Variants in CRADD observed in about 807,000 individuals in gnomAD.
CRADD encodes the protein death domain-containing protein CRADD.
In CRADD, 9 loss-of-function variants were observed where a neutral mutation model predicts 15.5. The ratio of observed to expected loss-of-function variants is 0.58; its 90% CI spans 0.35 to 1.01. The LOEUF (loss-of-function observed/expected upper bound fraction) is 1.01, where lower values mean the gene tolerates loss of function less well. CRADD is among the 50% of genes least tolerant of loss of function. CRADD has a pLI of 0.02. For synonymous variants in CRADD, 118 were observed against 107.6 expected (o/e 1.10, Z -0.60); for missense variants, 227 against 250.3 (o/e 0.91, Z 0.63).
rs527694294 is a variant in CRADD, at chr12:93,859,341, A to T, written c.299-34709A>T. 21 of 455,900 alleles carry T rather than the reference A, an allele frequency of 4.6e-5. 1 individual carries two copies. The highest frequency in any genetic ancestry group is 3.3e-4 in the South Asian group (21 of 64,550). The allele number at this position is 455,900 out of a possible 1,614,324, so 28.2% of individuals were successfully genotyped here. Reference sequence around the variant, plus strand: ...TAGGGTGTTGGCCATGATCCTTATGATGGGGAGGAAGGGAATCACCAATTT... The same window carrying T: ...TAGGGTGTTGGCCATGATCCTTATGTTGGGGAGGAAGGGAATCACCAATTT... On this transcript the variant is annotated intron_variant, in intron 2 of 2. Transcript: ENST00000548483.
intron 2 of CRADD, among the ~76,000 whole-genome samples, chr12:93,710,137 C>T (rs1956034861): frequency 6.6e-6 from 1 of 152,126 alleles, no homozygotes; most frequent in Admixed American, 6.5e-5. Context: ...ATCACTAATA[C>T]AGCAGATGTT....
chr12:93,680,763 T>G (rs985506388), intron 2 of CRADD, among the ~76,000 whole-genome samples: 1 of 152,234 alleles, frequency 6.6e-6, no homozygotes, highest in Non-Finnish European at 1.5e-5. Context: ...TGGCATCATA[T>G]AGTTGGAAAC....
intron 2 of CRADD, among the ~76,000 whole-genome samples, chr12:93,773,594 G>A (rs1041987765): frequency 6.6e-6 from 1 of 151,864 alleles, no homozygotes; most frequent in African/African-American, 2.4e-5. Context: ...AAAGAGGAGG[G>A]CTTTGCTTCA....
chr12:93,841,658 G>A (rs1214259758), intron 2 of CRADD, among the ~76,000 whole-genome samples: 4 of 152,134 alleles, frequency 2.6e-5, no homozygotes, highest in Admixed American at 2.6e-4. Context: ...CTACCCCGTG[G>A]GAAGATTTAA....
At chr12:93,816,842 T>C (rs1390706571) in intron 2 of CRADD, among the ~76,000 whole-genome samples, 2 of 152,186 alleles carry the variant, frequency 1.3e-5, no homozygotes, top group African/African-American at 2.4e-5. Context: ...GTCTGTGCAC[T>C]AGAGTCATAG....
intron 2 of CRADD, among the ~76,000 whole-genome samples, chr12:93,885,846 C>T (rs1958532881): frequency 6.6e-6 from 1 of 152,082 alleles, no homozygotes; most frequent in African/African-American, 2.4e-5. Flanking sequence ...TGAGACCAGC[C>T]TGGCCAACAT....
At chr12:93,888,424 C>CAAA (rs36015332) in intron 2 of CRADD, among the ~76,000 whole-genome samples, 4 of 113,176 alleles carry the variant, frequency 3.5e-5, no homozygotes, top group Non-Finnish European at 5.3e-5. Context: ...GACTCCGTCT[C>CAAA]AAAAAAAAAA....
downstream of CRADD, chr12:93,894,784 G>A (rs1004880969): frequency 1.3e-5 from 2 of 152,656 alleles, no homozygotes; most frequent in Admixed American, 6.5e-5. Flanking sequence ...GGCCGGGGCC[G>A]AGATGGCGCT....
intron 2 of CRADD, among the ~76,000 whole-genome samples, chr12:93,839,801 C>T (rs1958026591): frequency 6.6e-6 from 1 of 152,192 alleles, no homozygotes; most frequent in Admixed American, 6.5e-5. Context: ...AAACACCTTA[C>T]CCAGCCTAGA....
At chr12:93,861,525 A>G (rs1360917799) in intron 2 of CRADD, among the ~76,000 whole-genome samples, 1 of 152,190 alleles carries the variant, frequency 6.6e-6, no homozygotes, top group Non-Finnish European at 1.5e-5. Context: ...TGTCTTGCCC[A>G]GTGACACTTC....
intron 2 of CRADD, among the ~76,000 whole-genome samples, chr12:93,847,146 A>G (rs1321045645): frequency 6.6e-6 from 1 of 152,172 alleles, no homozygotes; most frequent in African/African-American, 2.4e-5. Context: ...GTGCAGATGT[A>G]GAATGGATAA....
chr12:93,845,587 A>G (rs1409492690), intron 2 of CRADD, among the ~76,000 whole-genome samples: 1 of 146,134 alleles, frequency 6.8e-6, no homozygotes, highest in African/African-American at 2.6e-5. Flanking sequence ...TATTTTTAAT[A>G]AAGAAAAGAA....
At position 93,894,192 on chromosome 12, in the gene CRADD, G is replaced by C. The variant is rs1958596425; in HGVS notation, c.*75G>C. On this transcript the variant is annotated 3_prime_UTR_variant, in exon 3 of 3. Coordinates refer to the CRADD transcript ENST00000548483. The stretch of plus-strand genomic sequence containing the variant: ...TCTACACCAGTGGTTCTCAATCAAG[G>C]GCGATTTTGCCTTCCAGGGGACATT... 4 of 698,310 alleles carry C rather than the reference G, an allele frequency of 5.7e-6. No homozygotes were observed. In the South Asian group the frequency reaches 5.9e-5, roughly 10 times the overall value. 43.3% of individuals were successfully genotyped at this position (698,310 alleles called of 1,614,324 possible). A position where few individuals can be genotyped will look rare whatever the true frequency, so the allele number is the denominator to read the frequency against.
chr12:93,828,191 A>G (rs1378562235), intron 2 of CRADD, among the ~76,000 whole-genome samples: 2 of 152,064 alleles, frequency 1.3e-5, no homozygotes, highest in African/African-American at 2.4e-5. Context: ...AATTATTTGT[A>G]TATATATATG....
At chr12:93,881,789 G>A (rs1034507874) in intron 2 of CRADD, among the ~76,000 whole-genome samples, 4 of 152,144 alleles carry the variant, frequency 2.6e-5, no homozygotes, top group Admixed American at 1.3e-4. Context: ...ATTATCTCAC[G>A]AGGATATGAA....
intron 2 of CRADD, among the ~76,000 whole-genome samples, chr12:93,860,491 C>T (rs1958311625): frequency 6.6e-6 from 1 of 152,126 alleles, no homozygotes; most frequent in Non-Finnish European, 1.5e-5. Flanking sequence ...CCCCTTGAGC[C>T]CCTTGCTATG....
chr12:93,687,897 A>G (rs1206962713), intron 2 of CRADD, among the ~76,000 whole-genome samples: 1 of 152,238 alleles, frequency 6.6e-6, no homozygotes, highest in Non-Finnish European at 1.5e-5. Flanking sequence ...ACATGAGGCA[A>G]CAATTGGAGG....
chr12:93,887,361 T>C (rs1958544805), intron 2 of CRADD, among the ~76,000 whole-genome samples: 3 of 152,176 alleles, frequency 2.0e-5, no homozygotes, highest in Non-Finnish European at 4.4e-5. Context: ...CAGATCTCAA[T>C]GCCAGGGCCG....
chr12:93,829,295 C>T (rs1957862489), intron 2 of CRADD, among the ~76,000 whole-genome samples: 1 of 152,034 alleles, frequency 6.6e-6, no homozygotes, highest in Non-Finnish European at 1.5e-5. Flanking sequence ...GGCTCATCCA[C>T]CAAGCTTTAG....
Sources: allele counts gnomAD v4.1 joint callset (sites outside exome capture counted in the v4.1 genomes callset), GRCh38; gene constraint gnomAD v4.1.1; transcripts MANE v1.5; gene names NCBI Gene and HGNC (gene_info 2026-07-23, HGNC 2026-07-21).